The following DPY19L1 variants were observed in gnomAD, a reference collection of about 807,000 sequenced individuals.
DPY19L1 encodes protein C-mannosyl-transferase DPY19L1.
Under a neutral mutation model 96.9 loss-of-function variants are expected in DPY19L1, and 35 were observed. That is an observed-to-expected ratio of 0.36 (90% confidence interval 0.28 to 0.48). DPY19L1 has a LOEUF of 0.48. Among genes scored for constraint, DPY19L1 ranks in the 20% least tolerant of loss-of-function variants. DPY19L1 has a pLI of 0.99. For synonymous variants in DPY19L1, 205 were observed against 252.6 expected (o/e 0.81, Z 1.79); for missense variants, 521 against 777.9 (o/e 0.67, Z 3.93).
chr7:34,960,497 T>C lies in DPY19L1; in HGVS notation c.1093-2427A>G, dbSNP rs1182224761. 5.9e-5 allele frequency among the ~76,000 whole-genome samples: 9 copies of C among 152,264 alleles called. No individual in the cohort carries two copies. The East Asian group carries it at 1.5e-3, about 26-fold the overall frequency. On this transcript the variant is annotated intron_variant, in intron 10 of 21. Transcript: ENST00000638088. ...TAAATATGCATCAATGAATATGATT[T>C]CATTGTTTCCAGTAGTAGTTTATTT...
intron 7 of DPY19L1, among the ~76,000 whole-genome samples, chr7:34,975,800 T>C (rs1784818690): frequency 6.6e-6 from 1 of 152,098 alleles, no homozygotes. Flanking sequence ...ACACTAAATA[T>C]ACTCTGCACG....
At chr7:35,013,161 T>A (rs1399271834) in intron 4 of DPY19L1, among the ~76,000 whole-genome samples, 1 of 152,148 alleles carries the variant, frequency 6.6e-6, no homozygotes, top group Non-Finnish European at 1.5e-5. Context: ...GCAAGGAGGA[T>A]AAAGGAGAGG....
chr7:35,029,196 G>A (rs1449057339), intron 1 of DPY19L1, among the ~76,000 whole-genome samples: 3 of 152,056 alleles, frequency 2.0e-5, no homozygotes, highest in Admixed American at 6.6e-5. Flanking sequence ...TGACTTTGAC[G>A]CAAACATTTC....
intron 19 of DPY19L1, among the ~76,000 whole-genome samples, 159 bp from the exon 20 acceptor site, chr7:34,939,534 G>A (rs576144349): frequency 6.6e-6 from 1 of 152,340 alleles, no homozygotes; most frequent in East Asian, 1.9e-4. Flanking sequence ...TCAGATGGCT[G>A]ATAAAGTAGC....
At chr7:35,014,740 T>C (rs979629002) in intron 3 of DPY19L1, among the ~76,000 whole-genome samples, 10 of 152,054 alleles carry the variant, frequency 6.6e-5, no homozygotes, top group Non-Finnish European at 2.9e-5. Context: ...CCCTGTGGAG[T>C]GATCTTATTT....
At position 34,959,221 on chromosome 7, in the gene DPY19L1, C is replaced by T. The variant is rs1784440434; in HGVS notation, c.1093-1151G>A. ...ATTAAAAAGTCAGGAGACAAAGATG[C>T]TGTAGATGATGTGGAGAAATAGGAA... On this transcript the variant is annotated intron_variant, in intron 10 of 21. Transcript: ENST00000638088. Among the ~76,000 whole-genome samples, 4 of 152,258 alleles carry T rather than the reference C, an allele frequency of 2.6e-5. No individual in the cohort carries two copies. The South Asian group carries it at 8.3e-4, about 32-fold the overall frequency.
chr7:34,966,439 A>G (rs1410725735), intron 10 of DPY19L1, among the ~76,000 whole-genome samples: 1 of 152,096 alleles, frequency 6.6e-6, no homozygotes. Flanking sequence ...CTAGTACTAC[A>G]GGCATGCATC....
At chr7:34,933,701 T>G (rs529361954) in intron 21 of DPY19L1, among the ~76,000 whole-genome samples, 1 of 152,350 alleles carries the variant, frequency 6.6e-6, no homozygotes, top group Admixed American at 6.5e-5. Context: ...ATCTTTCTCC[T>G]GTGCTGGATG....
intron 6 of DPY19L1, among the ~76,000 whole-genome samples, chr7:34,999,486 G>C (rs1361238881): frequency 3.3e-5 from 5 of 152,166 alleles, no homozygotes; most frequent in African/African-American, 1.2e-4. Context: ...AAACAGACCA[G>C]AAAGAGACCA....
chr7:34,963,619 G>T (rs1212361464), intron 10 of DPY19L1, among the ~76,000 whole-genome samples: 4 of 152,098 alleles, frequency 2.6e-5, no homozygotes, highest in African/African-American at 9.7e-5. Context: ...GTGTGTGTGT[G>T]TGTGTGCGTG....
Position 34,973,635 on chromosome 7 carries a change from C to T in DPY19L1, c.823-30G>A. ...AAAAAAAAATTTGTAGTATAGTATA[C>T]TTGCTAAATTTACTAAGACATTCCA... On this transcript the variant is annotated intron_variant, in intron 7 of 21. Coordinates refer to ENST00000638088, the MANE Select transcript of DPY19L1 (RefSeq NM_001366673.1). 2.4e-6 allele frequency: 3 copies of T among 1,267,276 alleles called. 1 individual carries two copies. Among genetic ancestry groups the T allele is most frequent in the South Asian group, 4.7e-5 (2 of 42,324 alleles). The allele number at this position is 1,267,276 out of a possible 1,614,324, so 78.5% of individuals were successfully genotyped here. A position where few individuals can be genotyped will look rare whatever the true frequency, so the allele number is the denominator to read the frequency against.
At chr7:34,988,480 G>A (rs1166303627) in intron 7 of DPY19L1, among the ~76,000 whole-genome samples, 1 of 150,202 alleles carries the variant, frequency 6.7e-6, no homozygotes, top group Non-Finnish European at 1.5e-5. Context: ...ATGTCATGTT[G>A]CAACCACTTG....
chr7:34,994,173 ATTCT>A (rs1248721867), intron 6 of DPY19L1, among the ~76,000 whole-genome samples: 2 of 152,218 alleles, frequency 1.3e-5, no homozygotes, highest in African/African-American at 4.8e-5. Flanking sequence ...GAAAATTTTA[ATTCT>A]TTCATAATCT....
At chr7:34,990,008 C>T in intron 6 of DPY19L1, 67 bp from the exon 7 acceptor site, 2 of 1,274,202 alleles carry the variant, frequency 1.6e-6, no homozygotes, top group Non-Finnish European at 2.2e-6. Flanking sequence ...AACCTTAAAA[C>T]ACATAATATC....
At chr7:34,969,369 T>C in intron 9 of DPY19L1, 64 bp downstream of exon 9, 2 of 887,934 alleles carry the variant, frequency 2.3e-6, no homozygotes, top group Non-Finnish European at 3.2e-6. Context: ...TGTAATTTTA[T>C]GCAAATGAGC....
intron 10 of DPY19L1, among the ~76,000 whole-genome samples, chr7:34,961,730 T>A (rs1304749282): frequency 6.6e-6 from 1 of 152,172 alleles, no homozygotes; most frequent in African/African-American, 2.4e-5. Context: ...ACACATCTGA[T>A]AAGGGACTGT....
intron 16 of DPY19L1, among the ~76,000 whole-genome samples, chr7:34,943,648 C>A (rs1222050470): frequency 1.3e-5 from 2 of 152,094 alleles, no homozygotes; most frequent in African/African-American, 4.8e-5. Flanking sequence ...CACTCCTCTT[C>A]CAAAAAAGAG....
chr7:34,981,554 T>C (rs1784939680), intron 7 of DPY19L1, among the ~76,000 whole-genome samples: 1 of 152,230 alleles, frequency 6.6e-6, no homozygotes, highest in Admixed American at 6.5e-5. Context: ...AACCATGTGA[T>C]TTAACTTTGT....
In DPY19L1 at chr7:34,989,648, A is replaced by AC. The variant is rs1562818344; in HGVS notation, c.822+235_822+236insG. 5.3e-5 allele frequency among the ~76,000 whole-genome samples: 8 copies of AC among 151,690 alleles called. No individual in the cohort carries two copies. In the East Asian group the frequency reaches 5.8e-4, roughly 11 times the overall value. Reference sequence around the variant, plus strand: ...AAACAAAAACAACAACAACAACAAAAAAAAAAAACAGAATTGATACAGTTG... The same window carrying AC: ...AAACAAAAACAACAACAACAACAAAACAAAAAAAACAGAATTGATACAGTTG... On this transcript the variant is annotated intron_variant, in intron 7 of 21. Transcript: ENST00000638088.
Sources: allele counts gnomAD v4.1 joint callset (sites outside exome capture counted in the v4.1 genomes callset), GRCh38; gene constraint gnomAD v4.1.1; transcripts MANE v1.5; gene names NCBI Gene and HGNC (gene_info 2026-07-23, HGNC 2026-07-21).